Variants in HSD11B2 observed in about 807,000 individuals in gnomAD.
The protein encoded by HSD11B2 is hydroxysteroid 11-beta dehydrogenase 2, also known as 11-beta-hydroxysteroid dehydrogenase type 2.
HSD11B2 carries 17 observed loss-of-function variants against 20.9 expected under a neutral mutation model. That is an observed-to-expected ratio of 0.81 (90% confidence interval 0.56 to 1.22). HSD11B2 has a LOEUF of 1.22. HSD11B2 is among the 50% of genes most tolerant of loss of function. The probability of loss-of-function intolerance (pLI) is 0.00; values close to 1 mark genes in which losing one functional copy is unlikely to be tolerated. For missense variants in HSD11B2, 480 were observed against 563.6 expected (o/e 0.85, Z 1.50); for synonymous variants, 253 against 255.4 (o/e 0.99, Z 0.09).
rs2040977215 is a variant in HSD11B2 at position 67,436,690 on chromosome 16, A to G, written c.905A>G (p.His302Arg). 3 of 1,614,036 alleles carry G rather than the reference A, an allele frequency of 1.9e-6. No individual in the cohort carries two copies. Among genetic ancestry groups the G allele is most frequent in the Admixed American group, 1.7e-5 (1 of 60,010 alleles). The change falls in exon 5 of 5, where the codon CAC (histidine) becomes CGC (arginine). Residue 302 changes from histidine to arginine, a missense_variant. Coordinates refer to ENST00000326152, the MANE Select transcript of HSD11B2 (RefSeq NM_000196.4). This position sits in a 1 kb window ranked among gnomAD's most constrained non-coding sequence, Gnocchi z 5.7. The stretch of plus-strand genomic sequence containing the variant: ...GCCTACGGCAAGGACTACATCGAGC[A>G]CTTGCATGGGCAGTTCCTGCACTCG... ...LQAYGKDYIE[H>R]LHGQFLHSLR...
Position 67,431,426 on chromosome 16 carries a change from G to T in HSD11B2, c.178G>T (p.Val60Leu). Residue 60 changes from valine (V) to leucine (L), a missense_variant, in exon 1 of 5, where the codon GTG (valine) becomes TTG (leucine). Transcript: ENST00000326152. ...GCTGCCCCCGCCGGCCGCACTCGCC[G>T]TGCTGGCCGCCGCCGGCTGGATCGC... ...RLLPPPAALA[V>L]LAAAGWIALS... The T allele has an allele frequency of 7.6e-7, 1 of 1,320,636 alleles. No individual in the cohort carries two copies. Among genetic ancestry groups the T allele is most frequent in the Non-Finnish European group, 9.6e-7 (1 of 1,036,646 alleles). 81.8% of individuals were successfully genotyped at this position (1,320,636 alleles called of 1,614,324 possible). A position where few individuals can be genotyped will look rare whatever the true frequency, so the allele number is the denominator to read the frequency against.
At position 67,431,160 on chromosome 16, in the gene HSD11B2, C is replaced by T. The variant is rs1025271099; in HGVS notation, c.-89C>T. On this transcript the variant is annotated 5_prime_UTR_variant, in exon 1 of 5. Coordinates refer to ENST00000326152, the MANE Select transcript of HSD11B2 (RefSeq NM_000196.4). The stretch of plus-strand genomic sequence containing the variant: ...CTCTCGCGCCCCAGGCCGGTGTACC[C>T]CCGCACTCCGCGCCCCGGCCTAGAA... 247 of 725,250 alleles carry T rather than the reference C, an allele frequency of 3.4e-4. No homozygotes were observed. The highest frequency in any genetic ancestry group is 4.0e-4 in the Non-Finnish European group (229 of 570,976). 44.9% of individuals were successfully genotyped at this position (725,250 alleles called of 1,614,324 possible).
At chr16:67,431,115 A>G (rs112150818), upstream of HSD11B2, 1 of 245,612 alleles carries the variant, frequency 4.1e-6, no homozygotes. Context: ...CCCGAGGGCG[A>G]GCAGAGAAAG....
At position 67,431,278 on chromosome 16, in the gene HSD11B2, C is replaced by A; in HGVS notation, c.30C>A (p.Gly10=). Residue 10 remains glycine (G), a synonymous_variant, in exon 1 of 5, where the codon GGC becomes GGA. Coordinates refer to ENST00000326152, the MANE Select transcript of HSD11B2 (RefSeq NM_000196.4). MERWPWPSG[G]AWLLVAARAL... ...AGCGCTGGCCTTGGCCGTCGGGCGG[C>A]GCCTGGCTGCTCGTGGCTGCCCGCG... 7.9e-7 allele frequency: 1 copy of A among 1,267,598 alleles called. No homozygotes were observed. Among genetic ancestry groups the A allele is most frequent in the Non-Finnish European group, 1.0e-6 (1 of 996,276 alleles). 78.5% of individuals were successfully genotyped at this position (1,267,598 alleles called of 1,614,324 possible).
chr16:67,431,218 G>A lies in HSD11B2; in HGVS notation c.-31G>A. ...CTCCCCGCTCCCCGGCCCGGCCCCC[G>A]CCCCGCCCCGCCCCAGCCCGCTGGG... On this transcript the variant is annotated 5_prime_UTR_variant, in exon 1 of 5. Coordinates refer to ENST00000326152, the MANE Select transcript of HSD11B2 (RefSeq NM_000196.4). 9.0e-7 allele frequency: 1 copy of A among 1,110,676 alleles called. No individual in the cohort carries two copies. The highest frequency in any genetic ancestry group is 1.7e-5 in the African/African-American group (1 of 60,166). The allele number at this position is 1,110,676 out of a possible 1,614,324, so 68.8% of individuals were successfully genotyped here.
chr16:67,432,432 C>A (rs1387916360), intron 1 of HSD11B2, among the ~76,000 whole-genome samples: 1 of 152,206 alleles, frequency 6.6e-6, no homozygotes, highest in Non-Finnish European at 1.5e-5. Flanking sequence ...CAGCCAGCAA[C>A]CTGGCTTCTC....
intron 1 of HSD11B2, among the ~76,000 whole-genome samples, chr16:67,433,756 C>A (rs1466142014): frequency 1.3e-5 from 2 of 151,914 alleles, no homozygotes; most frequent in African/African-American, 4.8e-5. Flanking sequence ...CCAAGGCAGA[C>A]TTGCCTGGGA....
At position 67,436,647 on chromosome 16, in the gene HSD11B2, C is replaced by T; in HGVS notation, c.862C>T (p.Pro288Ser). Residue 288 changes from proline to serine, a missense_variant, in exon 5 of 5, where the codon CCT becomes TCT. Around this residue, in one of 2 missense-constraint regions of HSD11B2, gnomAD observed 374 missense variants for 480.9 expected, o/e 0.78. Coordinates refer to ENST00000326152, the MANE Select transcript of HSD11B2 (RefSeq NM_000196.4). This position sits in a 1 kb window ranked among gnomAD's most constrained non-coding sequence, Gnocchi z 5.7. ...KRKQLLLANL[P>S]QELLQAYGKD... ...CAAGCAATTGCTGCTGGCCAACCTGCCTCAAGAGCTGCTGCAGGCCTACGG... is the reference window on the plus strand; with the variant it reads ...CAAGCAATTGCTGCTGGCCAACCTGTCTCAAGAGCTGCTGCAGGCCTACGG... The T allele has an allele frequency of 1.2e-6, 2 of 1,614,210 alleles. No homozygotes were observed. The highest frequency in any genetic ancestry group is 1.7e-6 in the Non-Finnish European group (2 of 1,180,040).
Position 67,431,342 on chromosome 16 carries a change from C to A in HSD11B2, c.94C>A (p.Arg32Ser). 8.0e-7 allele frequency: 1 copy of A among 1,243,342 alleles called. No individual in the cohort carries two copies. Among genetic ancestry groups the A allele is most frequent in the East Asian group, 4.4e-5 (1 of 22,732 alleles). 77.0% of individuals were successfully genotyped at this position (1,243,342 alleles called of 1,614,324 possible). ...GCTGCGCTCAGACCTGCGTCTGGGC[C>A]GCCCGCTGCTGGCGGCGCTGGCGCT... ...QLLRSDLRLG[R>S]PLLAALALLA... The change falls in exon 1 of 5, where the codon CGC becomes AGC. Residue 32 changes from arginine to serine, a missense_variant. By Grantham distance (110) the Arg-to-Ser change is moderately radical. Transcript: ENST00000326152.
intron 1 of HSD11B2, among the ~76,000 whole-genome samples, chr16:67,432,095 A>AAG (rs1253506051): frequency 6.6e-6 from 1 of 151,966 alleles, no homozygotes; most frequent in Non-Finnish European, 1.5e-5. Context: ...CTGCTGAGGC[A>AAG]GTAGTTTGGA....
At chr16:67,431,595 C>T in intron 1 of HSD11B2, 82 bp downstream of exon 1, 1 of 1,188,810 alleles carries the variant, frequency 8.4e-7, no homozygotes, top group Non-Finnish European at 1.0e-6. Flanking sequence ...TCCCCATGGG[C>T]ACAGCCAAGG....
rs768689954 is a variant in HSD11B2, at chr16:67,436,824, A to AT, written c.1040dup (p.Met347IlefsTer10). 6.2e-7 allele frequency: 1 copy of AT among 1,613,642 alleles called. No homozygotes were observed. The highest frequency in any genetic ancestry group is 8.5e-7 in the Non-Finnish European group (1 of 1,180,024). The stretch of plus-strand genomic sequence containing the variant: ...TTACCCCGGCCAGGGCCTGGGGCTC[A>AT]TGTACTTCATCCACTACTACCTGCC... On this transcript the variant is annotated frameshift_variant, in exon 5 of 5. Coordinates refer to ENST00000326152, the MANE Select transcript of HSD11B2 (RefSeq NM_000196.4). LOFTEE classifies it high-confidence loss of function. The surrounding 1 kb of genome is among the most constrained non-coding windows in gnomAD (Gnocchi z 5.7).
chr16:67,436,074 T>G lies in HSD11B2; in HGVS notation c.596T>G (p.Leu199Arg). ...GTGAATTTCTTTGGCGCGCTCGAGC[T>G]GACCAAGGGCCTCCTGCCCCTGCTG... ...MEVNFFGALE[L>R]TKGLLPLLRS... The change falls in exon 3 of 5, where the codon CTG becomes CGG. Residue 199 changes from leucine (L) to arginine (R), a missense_variant. This residue lies in a region of HSD11B2 where 374 missense variants were observed against 480.9 expected (regional missense o/e 0.78). Coordinates refer to ENST00000326152, the MANE Select transcript of HSD11B2 (RefSeq NM_000196.4). The surrounding 1 kb of genome is among the most constrained non-coding windows in gnomAD (Gnocchi z 5.7). 1.2e-6 allele frequency: 2 copies of G among 1,614,170 alleles called. No homozygotes were observed. Among genetic ancestry groups the G allele is most frequent in the Non-Finnish European group, 1.7e-6 (2 of 1,180,026 alleles).
At chr16:67,435,515 TG>T in intron 1 of HSD11B2, 112 bp from the exon 2 acceptor site, 1 of 805,396 alleles carries the variant, frequency 1.2e-6, no homozygotes, top group Non-Finnish European at 2.1e-6. Flanking sequence ...TGTTGACTGC[TG>T]GTGGCTTGGT....
At position 67,431,291 on chromosome 16, in the gene HSD11B2, G is replaced by T. The variant is rs983251408; in HGVS notation, c.43G>T (p.Val15Leu). Residue 15 changes from valine (V) to leucine (L), a missense_variant, in exon 1 of 5, where the codon GTG becomes TTG. By Grantham distance (32) the Val-to-Leu change is conservative. Transcript: ENST00000326152. ...GCCGTCGGGCGGCGCCTGGCTGCTC[G>T]TGGCTGCCCGCGCGCTGCTGCAGCT... ...PWPSGGAWLLVAARALLQLLR... is the reference protein window; with the variant it reads ...PWPSGGAWLLLAARALLQLLR... 1.4e-5 allele frequency: 18 copies of T among 1,267,328 alleles called. No individual in the cohort carries two copies. The highest frequency in any genetic ancestry group is 1.7e-5 in the Non-Finnish European group (17 of 996,346). The allele number at this position is 1,267,328 out of a possible 1,614,324, so 78.5% of individuals were successfully genotyped here.
At chr16:67,433,709 CACACACACACACACACACAT>C (rs2040949824) in intron 1 of HSD11B2, among the ~76,000 whole-genome samples, 3 of 142,120 alleles carry the variant, frequency 2.1e-5, no homozygotes, top group South Asian at 2.1e-4. Context: ...CACACACACA[CACACACACACACACACACAT>C]ATGCTTGCCT....
At position 67,436,226 on chromosome 16, in the gene HSD11B2, C is replaced by CCCCA. The variant is rs758098589; in HGVS notation, c.665-21_665-18dup. The CCCCA allele has an allele frequency of 1.2e-5, 19 of 1,613,796 alleles. No individual in the cohort carries two copies. In the Admixed American group the frequency reaches 2.7e-4, roughly 23 times the overall value. On this transcript the variant is annotated intron_variant, in intron 3 of 4. Coordinates refer to ENST00000326152, the MANE Select transcript of HSD11B2 (RefSeq NM_000196.4). This position sits in a 1 kb window ranked among gnomAD's most constrained non-coding sequence, Gnocchi z 5.7. Reference sequence around the variant, plus strand: ...GGAGCCCCTTGCCAAAGCTGAGCTGCCCCACTCCCAATCCATCCGCAGGGG... The same window carrying CCCCA: ...GGAGCCCCTTGCCAAAGCTGAGCTGCCCCACCCACTCCCAATCCATCCGCAGGGG...
Position 67,435,776 on chromosome 16 carries a change from C to T in HSD11B2, c.414C>T (p.Asp138=), listed in dbSNP as rs1330313915. The T allele has an allele frequency of 4.3e-6, 7 of 1,614,120 alleles. No individual in the cohort carries two copies. Among genetic ancestry groups the T allele is most frequent in the South Asian group, 1.1e-5 (1 of 91,084 alleles). The change falls in exon 2 of 5, where the codon GAC becomes GAT. Residue 138 remains aspartate, a synonymous_variant. Transcript: ENST00000326152. ...CTCGCCTAAGGCTGCTGCAGATGGA[C>T]CTGACCAAACCAGGAGACATTAGCC... ...CSPRLRLLQM[D]LTKPGDISRV...
At chr16:67,435,551 GACCC>G (rs748083668) in intron 1 of HSD11B2, 73 bp from the exon 2 acceptor site, 1 of 1,198,698 alleles carries the variant, frequency 8.3e-7, no homozygotes, top group Admixed American at 1.9e-5. Flanking sequence ...ATCCCATCCA[GACCC>G]TGGTGATTCT....
Sources: allele counts gnomAD v4.1 joint callset (sites outside exome capture counted in the v4.1 genomes callset), GRCh38; gene constraint gnomAD v4.1.1; regional missense constraint gnomAD v4.1.1; non-coding constraint Gnocchi (gnomAD v3.1); transcripts MANE v1.5; gene names NCBI Gene and HGNC (gene_info 2026-07-23, HGNC 2026-07-21).